The following WDR59 variants were observed in gnomAD, a reference collection of about 807,000 sequenced individuals.
The protein encoded by WDR59 is GATOR2 complex protein WDR59.
In WDR59, 100 loss-of-function variants were observed where a neutral mutation model predicts 131.2. The ratio of observed to expected loss-of-function variants is 0.76; its 90% CI spans 0.65 to 0.90. The LOEUF is 0.90. WDR59 is among the 40% of genes least tolerant of loss of function. The pLI, the probability that WDR59 is intolerant of heterozygous loss-of-function variation, is 0.00. For missense variants in WDR59, 1,203 were observed against 1,262.2 expected (o/e 0.95, Z 0.71); for synonymous variants, 601 against 466.2 (o/e 1.29, Z -3.72).
chr16:74,907,056 T>G (rs1965852915), intron 17 of WDR59, among the ~76,000 whole-genome samples: 2 of 152,198 alleles, frequency 1.3e-5, no homozygotes, highest in South Asian at 4.1e-4. Context: ...AATACAGGAC[T>G]GTTTTCTACT....
At chr16:74,899,300 C>G (rs1231448287) in intron 18 of WDR59, among the ~76,000 whole-genome samples, 1 of 152,138 alleles carries the variant, frequency 6.6e-6, no homozygotes, top group South Asian at 2.1e-4. Flanking sequence ...AAAGCAGAGA[C>G]AAAATAGTGG....
In WDR59 at chr16:74,899,899, C is replaced by T. The variant is rs531530994; in HGVS notation, c.1866+4048G>A. The T allele has an allele frequency of 5.1e-5, 30 of 584,708 alleles. No individual in the cohort carries two copies. The East Asian group carries it at 5.5e-4, about 11-fold the overall frequency. The allele number at this position is 584,708 out of a possible 1,614,324, so 36.2% of individuals were successfully genotyped here. A position where few individuals can be genotyped will look rare whatever the true frequency, so the allele number is the denominator to read the frequency against. On this transcript the variant is annotated intron_variant, in intron 18 of 25. Transcript: ENST00000262144. Reference sequence around the variant, plus strand: ...ATACACTGTACAGTTGGGATGGGAACGACTAAAAAATCTGAACCTAAGCAC... The same window carrying T: ...ATACACTGTACAGTTGGGATGGGAATGACTAAAAAATCTGAACCTAAGCAC...
chr16:74,904,305 A>T, intron 17 of WDR59: 2 of 562,486 alleles, frequency 3.6e-6, no homozygotes, highest in South Asian at 2.2e-5. Context: ...GACATAAAAA[A>T]TTCAAAGGAA....
At chr16:74,900,843 G>C (rs1965515301) in intron 18 of WDR59, among the ~76,000 whole-genome samples, 1 of 152,254 alleles carries the variant, frequency 6.6e-6, no homozygotes, top group South Asian at 2.1e-4. Flanking sequence ...ACTGGGCCGG[G>C]TGCAGTGGCT....
chr16:74,885,996 G>C, intron 24 of WDR59: 2 of 683,460 alleles, frequency 2.9e-6, no homozygotes, highest in Non-Finnish European at 4.7e-6. Context: ...GGCCAACATG[G>C]TGAAACCCTG....
chr16:74,951,497 T>A lies in WDR59; in HGVS notation c.287A>T (p.Glu96Val). The A allele has an allele frequency of 6.2e-7, 1 of 1,603,660 alleles. No homozygotes were observed. Among genetic ancestry groups the A allele is most frequent in the East Asian group, 2.2e-5 (1 of 44,684 alleles). The change falls in exon 4 of 26, where the codon GAA becomes GTA. Residue 96 changes from glutamate to valine, a missense_variant. Glu to Val is a moderately radical substitution (Grantham distance 121). Transcript: ENST00000262144. Reference sequence around the variant, plus strand: ...GTGGCCTTGTAAGGTTGTGCCAACTTCCCCACTGCCGTCTTTCCACTTGTA... The same window carrying A: ...GTGGCCTTGTAAGGTTGTGCCAACTACCCCACTGCCGTCTTTCCACTTGTA... ...DLYKWKDGSG[E>V]VGTTLQGHTR...
At chr16:74,919,175 C>G (rs2029901185) in intron 10 of WDR59, among the ~76,000 whole-genome samples, 1 of 152,174 alleles carries the variant, frequency 6.6e-6, no homozygotes, top group African/African-American at 2.4e-5. Context: ...TCCCTGCCTT[C>G]CAACAGAGAG....
chr16:74,957,903 A>G (rs144476943), intron 2 of WDR59, among the ~76,000 whole-genome samples: 1 of 152,306 alleles, frequency 6.6e-6, no homozygotes, highest in African/African-American at 2.4e-5. Flanking sequence ...AGAAGAAGAA[A>G]AGCCAGGGGA....
At chr16:74,906,558 C>CT (rs1189776569) in intron 17 of WDR59, among the ~76,000 whole-genome samples, 2 of 151,980 alleles carry the variant, frequency 1.3e-5, no homozygotes, top group African/African-American at 2.4e-5. Flanking sequence ...ATATACAAGT[C>CT]TTTTTATGAA....
intron 8 of WDR59, among the ~76,000 whole-genome samples, chr16:74,929,849 T>C (rs868374232): frequency 1.3e-5 from 2 of 152,126 alleles, no homozygotes; most frequent in Non-Finnish European, 2.9e-5. Context: ...TATTCATCCA[T>C]GAAAAAGAAT....
At chr16:74,875,289 C>T (rs903628633) in intron 25 of WDR59, among the ~76,000 whole-genome samples, 1 of 152,228 alleles carries the variant, frequency 6.6e-6, no homozygotes, top group Non-Finnish European at 1.5e-5. Context: ...CATCACCTGA[C>T]CCTCCTGCCT....
Position 74,887,686 on chromosome 16 carries a change from T to G in WDR59, c.2416A>C (p.Ile806Leu). The part of the protein sequence containing the change: ...DPGLNTGGWN[I>L]AGREAEHLSS... ...GCTAAGTCATTTCCATACAAACCTA[T>G]GTTCCAGCCGCCAGTGTTGAGCCCT... The change falls in exon 23 of 26, where the codon ATA becomes CTA. Residue 806 changes from isoleucine (I) to leucine (L), a missense_variant. By Grantham distance (5) the Ile-to-Leu change is conservative. Transcript: ENST00000262144. 2.5e-6 allele frequency: 4 copies of G among 1,614,114 alleles called. No individual in the cohort carries two copies. The highest frequency in any genetic ancestry group is 3.4e-6 in the Non-Finnish European group (4 of 1,179,982).
chr16:74,914,589 A>G (rs1966268717), intron 13 of WDR59, among the ~76,000 whole-genome samples: 1 of 107,446 alleles, frequency 9.3e-6, no homozygotes, highest in East Asian at 2.8e-4. Context: ...CACTTACAGC[A>G]GACTATTTTT....
chr16:74,913,245 C>T (rs994247368), intron 13 of WDR59, among the ~76,000 whole-genome samples: 1 of 151,932 alleles, frequency 6.6e-6, no homozygotes, highest in Non-Finnish European at 1.5e-5. Context: ...TTTCAGGGGG[C>T]CTGTTCCCAA....
chr16:74,875,491 C>T (rs1964171206), intron 25 of WDR59, among the ~76,000 whole-genome samples: 1 of 152,178 alleles, frequency 6.6e-6, no homozygotes, highest in Non-Finnish European at 1.5e-5. Context: ...CCCCCACTCA[C>T]TGAAGACTTG....
chr16:74,880,156 G>C (rs1203411453), intron 25 of WDR59, among the ~76,000 whole-genome samples: 1 of 152,020 alleles, frequency 6.6e-6, no homozygotes, highest in Non-Finnish European at 1.5e-5. Flanking sequence ...ATTTAAATTA[G>C]GTATGATACG....
intron 1 of WDR59, among the ~76,000 whole-genome samples, chr16:74,983,093 A>C (rs1235936639): frequency 6.6e-6 from 1 of 152,214 alleles, no homozygotes; most frequent in Non-Finnish European, 1.5e-5. Context: ...CTGTAATCCC[A>C]ATATTTTGGG....
Position 74,888,272 on chromosome 16 carries a change from A to C in WDR59, c.2243T>G (p.Leu748Arg). 6.2e-7 allele frequency: 1 copy of C among 1,614,034 alleles called. No individual in the cohort carries two copies. The highest frequency in any genetic ancestry group is 1.1e-5 in the South Asian group (1 of 91,064). ...AGACTGGGCTTCAAACACGCTACAG[A>C]GCATCGCCAGTGTCTGAACATCCCG... is the stretch of plus-strand genomic sequence containing the variant. Reference protein sequence around the residue: ...RLRDVQTLAMLCSVFEAQSRP... With the variant: ...RLRDVQTLAMRCSVFEAQSRP... Residue 748 changes from leucine to arginine, a missense_variant, in exon 22 of 26, where the codon CTC becomes CGC. Coordinates refer to ENST00000262144, the MANE Select transcript of WDR59 (RefSeq NM_030581.4).
At chr16:74,965,008 G>C (rs953472659) in intron 2 of WDR59, among the ~76,000 whole-genome samples, 97 of 151,978 alleles carry the variant, frequency 6.4e-4, no homozygotes, top group Middle Eastern at 3.4e-3. Flanking sequence ...AGGTTGCAGT[G>C]AGCCGAGATC....
Sources: allele counts gnomAD v4.1 joint callset (sites outside exome capture counted in the v4.1 genomes callset), GRCh38; gene constraint gnomAD v4.1.1; transcripts MANE v1.5; gene names NCBI Gene and HGNC (gene_info 2026-07-23, HGNC 2026-07-21).